The following RAI14 variants were observed in gnomAD, a reference collection of about 807,000 sequenced individuals.
RAI14 encodes retinoic acid induced 14.
Under a neutral mutation model 115.4 loss-of-function variants are expected in RAI14, and 45 were observed. The observed-to-expected ratio is 0.39, with a 90% CI of 0.31 to 0.50. RAI14 has a LOEUF of 0.50. Among genes scored for constraint, RAI14 ranks in the 20% least tolerant of loss-of-function variants. The pLI, the probability that RAI14 is intolerant of heterozygous loss-of-function variation, is 0.85. For missense variants in RAI14, 939 were observed against 1,131.2 expected (o/e 0.83, Z 2.44); for synonymous variants, 371 against 415.4 (o/e 0.89, Z 1.30).
intron 2 of RAI14, among the ~76,000 whole-genome samples, chr5:34,744,269 C>A (rs1409779876): frequency 6.6e-6 from 1 of 152,178 alleles, no homozygotes; most frequent in Non-Finnish European, 1.5e-5. Context: ...TTGAGTAGAT[C>A]AAATCCTATA....
chr5:34,816,057 A>C (rs1302727545), intron 12 of RAI14, among the ~76,000 whole-genome samples: 3 of 152,222 alleles, frequency 2.0e-5, no homozygotes, highest in African/African-American at 7.2e-5. Context: ...TTCTCTATTT[A>C]TAATGAAATA....
chr5:34,679,617 G>T (rs918124881), intron 1 of RAI14, among the ~76,000 whole-genome samples: 2 of 152,082 alleles, frequency 1.3e-5, no homozygotes, highest in African/African-American at 4.8e-5. Flanking sequence ...GCTCTCCTCT[G>T]ACCCTAACGT....
intron 3 of RAI14, among the ~76,000 whole-genome samples, chr5:34,790,403 A>T (rs1424259335): frequency 6.6e-6 from 1 of 152,218 alleles, no homozygotes; most frequent in Non-Finnish European, 1.5e-5. Context: ...GCATTTGCAC[A>T]GCTTTCATAA....
intron 2 of RAI14, among the ~76,000 whole-genome samples, chr5:34,702,596 G>T (rs745713068): frequency 5.3e-5 from 8 of 152,190 alleles, no homozygotes; most frequent in Non-Finnish European, 8.8e-5. Flanking sequence ...TATGGACCCC[G>T]TTCACATTAG....
At chr5:34,757,719 T>C (rs1472466085) in intron 3 of RAI14, 121 bp downstream of exon 3, 3 of 1,279,444 alleles carry the variant, frequency 2.3e-6, no homozygotes, top group Non-Finnish European at 3.1e-6. Context: ...TGTTGAAATA[T>C]GTAAGAAGAT....
chr5:34,776,632 C>T lies in RAI14; in HGVS notation c.167+19034C>T, dbSNP rs568081230. 3.3e-5 allele frequency among the ~76,000 whole-genome samples: 5 copies of T among 151,686 alleles called. No individual in the cohort carries two copies. In the East Asian group the frequency reaches 9.8e-4, roughly 30 times the overall value. Reference sequence around the variant, plus strand: ...GCCAGCCTGGGCAACATGGCAAAAACCTGTCTCTACAAAGAAATAGAAAAA... The same window carrying T: ...GCCAGCCTGGGCAACATGGCAAAAATCTGTCTCTACAAAGAAATAGAAAAA... On this transcript the variant is annotated intron_variant, in intron 3 of 17. Coordinates refer to ENST00000265109, the MANE Select transcript of RAI14 (RefSeq NM_015577.3).
At chr5:34,812,571 A>G (rs1755732565) in intron 10 of RAI14, among the ~76,000 whole-genome samples, 1 of 152,114 alleles carries the variant, frequency 6.6e-6, no homozygotes, top group Non-Finnish European at 1.5e-5. Context: ...AGGCTGAGGC[A>G]GGAGAATCAC....
chr5:34,810,942 C>T (rs567378382), intron 7 of RAI14, 70 bp from the exon 8 acceptor site: 1 of 1,599,626 alleles, frequency 6.3e-7, no homozygotes, highest in South Asian at 1.1e-5. Context: ...GTGCAAAAAA[C>T]AGGGGCTGAC....
intron 3 of RAI14, among the ~76,000 whole-genome samples, chr5:34,767,658 G>A (rs749104934): frequency 2.9e-4 from 36 of 123,362 alleles, no homozygotes; most frequent in Non-Finnish European, 4.6e-4. Context: ...TATCATTCAA[G>A]GCCCAATTTA....
chr5:34,724,281 G>T (rs1433229233), intron 2 of RAI14, among the ~76,000 whole-genome samples: 4 of 152,140 alleles, frequency 2.6e-5, no homozygotes, highest in Non-Finnish European at 5.9e-5. Flanking sequence ...CTCCCAAAGT[G>T]CTGGGATTAC....
chr5:34,790,597 G>T (rs1752801469), intron 3 of RAI14, among the ~76,000 whole-genome samples: 1 of 151,958 alleles, frequency 6.6e-6, no homozygotes, highest in African/African-American at 2.4e-5. Context: ...ATTTTAAAGA[G>T]TTAGAGCAAG....
intron 2 of RAI14, chr5:34,687,946 C>T: frequency 2.0e-6 from 2 of 979,966 alleles, no homozygotes; most frequent in Non-Finnish European, 3.0e-6. Flanking sequence ...ATGTAACTTA[C>T]TGCCCTGATA....
intron 3 of RAI14, among the ~76,000 whole-genome samples, chr5:34,768,637 T>C (rs917670277): frequency 1.3e-5 from 2 of 152,116 alleles, no homozygotes; most frequent in African/African-American, 4.8e-5. Context: ...AAGTACCATT[T>C]CCAGACTATC....
At chr5:34,724,528 G>GAATA (rs1743206973) in intron 2 of RAI14, among the ~76,000 whole-genome samples, 1 of 152,184 alleles carries the variant, frequency 6.6e-6, no homozygotes, top group Non-Finnish European at 1.5e-5. Flanking sequence ...AAGCCATGGA[G>GAATA]AATAAGAGTA....
At chr5:34,800,542 T>C (rs1424054568) in intron 4 of RAI14, among the ~76,000 whole-genome samples, 1 of 152,222 alleles carries the variant, frequency 6.6e-6, no homozygotes. Context: ...TTGGTGTTAA[T>C]AGTAGCAATG....
At chr5:34,746,079 T>TCC (rs1746150477) in intron 2 of RAI14, among the ~76,000 whole-genome samples, 1 of 96,766 alleles carries the variant, frequency 1.0e-5, no homozygotes, top group Non-Finnish European at 2.1e-5. Context: ...CCTCCCCTTA[T>TCC]ACACCACCCC....
intron 1 of RAI14, chr5:34,667,377 C>T (rs10076651): frequency 0.37 from 56,138 of 151,718 alleles, 10,618 homozygotes; most frequent in East Asian, 0.52. Context: ...GCTGGCACTA[C>T]AGGTGTGTAC....
intron 3 of RAI14, among the ~76,000 whole-genome samples, chr5:34,782,238 C>T (rs1215688183): frequency 6.6e-6 from 1 of 152,124 alleles, no homozygotes; most frequent in Non-Finnish European, 1.5e-5. Flanking sequence ...CAGTTTATGG[C>T]CAGATTTGGG....
chr5:34,716,123 G>A, intron 2 of RAI14: 1 of 427,728 alleles, frequency 2.3e-6, no homozygotes, highest in South Asian at 1.7e-5. Context: ...GTTATTTGTG[G>A]CAAAAGACAA....
Sources: gnomAD v4.1 joint callset for allele counts (sites outside exome capture counted in the v4.1 genomes callset) on GRCh38, gnomAD v4.1.1 for gene constraint, MANE v1.5 for transcripts, NCBI Gene and HGNC (gene_info 2026-07-23, HGNC 2026-07-21) for gene names.